The following TRPC6 variants were observed in gnomAD, a reference collection of about 807,000 sequenced individuals.
TRPC6 encodes the protein short transient receptor potential channel 6.
Under a neutral mutation model 90.7 loss-of-function variants are expected in TRPC6, and 55 were observed. The ratio of observed to expected loss-of-function variants is 0.61; its 90% CI spans 0.49 to 0.76. The LOEUF (loss-of-function observed/expected upper bound fraction) is 0.76. Ranked by LOEUF, TRPC6 falls within the 30% of genes least tolerant of loss-of-function variation. TRPC6 has a pLI of 0.00. For missense variants in TRPC6, 989 were observed against 1,122.7 expected (o/e 0.88, Z 1.70); for synonymous variants, 393 against 393.0 (o/e 1.00, Z 0.00).
chr11:101,548,827 G>GA (rs1240519174), intron 1 of TRPC6, among the ~76,000 whole-genome samples: 1 of 151,826 alleles, frequency 6.6e-6, no homozygotes, highest in Admixed American at 6.6e-5. Context: ...ACTATTGAGT[G>GA]AAAAAAATCA....
chr11:101,484,103 A>G (rs1170756216), intron 4 of TRPC6, among the ~76,000 whole-genome samples: 1 of 152,194 alleles, frequency 6.6e-6, no homozygotes, highest in Non-Finnish European at 1.5e-5. Context: ...TTGAAAACTA[A>G]TAAAATACAA....
At chr11:101,548,457 G>GATATATATATAT (rs143790648) in intron 1 of TRPC6, among the ~76,000 whole-genome samples, 5 of 123,474 alleles carry the variant, frequency 4.0e-5, no homozygotes, top group Non-Finnish European at 6.7e-5. Flanking sequence ...TATATATACT[G>GATATATATATAT]ATATATATAT....
intron 1 of TRPC6, among the ~76,000 whole-genome samples, chr11:101,525,539 G>C (rs958780069): frequency 1.3e-5 from 2 of 152,210 alleles, no homozygotes; most frequent in African/African-American, 4.8e-5. Context: ...GGATGAGTAT[G>C]AATTAGCCAG....
intron 1 of TRPC6, among the ~76,000 whole-genome samples, chr11:101,558,228 T>TGTATACGG (rs1861611113): frequency 4.4e-5 from 5 of 113,022 alleles, no homozygotes; most frequent in Admixed American, 1.8e-4. Flanking sequence ...TATGTATACA[T>TGTATACGG]GTATATGGGT....
At chr11:101,459,357 G>A (rs922458827) in intron 10 of TRPC6, among the ~76,000 whole-genome samples, 3 of 152,134 alleles carry the variant, frequency 2.0e-5, no homozygotes, top group Non-Finnish European at 4.4e-5. Flanking sequence ...AACAGGGAAC[G>A]GCACATCTCT....
At chr11:101,473,429 C>A in intron 7 of TRPC6, 80 bp downstream of exon 7, 1 of 1,513,958 alleles carries the variant, frequency 6.6e-7, no homozygotes. Context: ...AACATTATCC[C>A]ATGGACTTAC....
intron 1 of TRPC6, among the ~76,000 whole-genome samples, chr11:101,582,846 C>A (rs1236018824): frequency 1.3e-5 from 2 of 152,124 alleles, no homozygotes; most frequent in Non-Finnish European, 2.9e-5. Context: ...AAACGCTAAG[C>A]CAAGCGTGGA....
chr11:101,471,184 T>C lies in TRPC6; in HGVS notation c.2408A>G (p.Lys803Arg), dbSNP rs750525727. 4.3e-5 allele frequency: 70 copies of C among 1,613,682 alleles called. No individual in the cohort carries two copies. The highest frequency in any genetic ancestry group is 4.0e-4 in the South Asian group (36 of 91,080). ...KGFQEDAEMN[K>R]INEEKKLGIL... ...TGATAACTTATCAAGCTAAGTTACC[T>C]TGTTCATCTCTGCATCTTCCTGGAA... The change falls in exon 9 of 13, where the codon AAG (lysine) becomes AGG (arginine). Residue 803 changes from lysine to arginine, a missense_variant and splice_region_variant. Physicochemically the swap from Lys to Arg is conservative, Grantham distance 26. Around this residue, in one of 4 missense-constraint regions of TRPC6, gnomAD observed 191 missense variants for 196.7 expected, o/e 0.97. Coordinates refer to ENST00000344327, the MANE Select transcript of TRPC6 (RefSeq NM_004621.6).
At chr11:101,473,879 C>T (rs1419940460) in intron 6 of TRPC6, 106 bp from the exon 7 acceptor site, 19 of 1,503,426 alleles carry the variant, frequency 1.3e-5, no homozygotes, top group East Asian at 9.1e-5. Flanking sequence ...ATCCGGTTTT[C>T]GAATGGAAGT....
intron 1 of TRPC6, among the ~76,000 whole-genome samples, chr11:101,531,211 T>C (rs1565231875): frequency 6.6e-6 from 1 of 152,246 alleles, no homozygotes; most frequent in Non-Finnish European, 1.5e-5. Context: ...CTTGAATATA[T>C]ACAATTTTTG....
intron 1 of TRPC6, among the ~76,000 whole-genome samples, chr11:101,513,565 G>A (rs1270292195): frequency 7.2e-6 from 1 of 138,608 alleles, no homozygotes; most frequent in African/African-American, 2.8e-5. Context: ...AGAAATTACT[G>A]ATGAAAACAT....
chr11:101,491,833 A>ATTTTTTTTTTTTTTT lies in TRPC6; in HGVS notation c.946-96_946-95insAAAAAAAAAAAAAAA, dbSNP rs200869151. 688 of 782,182 alleles carry ATTTTTTTTTTTTTTT rather than the reference A, an allele frequency of 8.8e-4. 74 individuals carry two copies. The African/African-American group carries it at 0.018, about 20-fold the overall frequency. 48.5% of individuals were successfully genotyped at this position (782,182 alleles called of 1,614,324 possible). A position where few individuals can be genotyped will look rare whatever the true frequency, so the allele number is the denominator to read the frequency against. On this transcript the variant is annotated intron_variant, in intron 2 of 12. Transcript: ENST00000344327. ...AAGGATTTTATACTTTAAGAGAAAC[A>ATTTTTTTTTTTTTTT]TTCTTTTTTTTTTTTTTTTTTTTTT...
At chr11:101,558,453 G>GCACA (rs1555012732) in intron 1 of TRPC6, among the ~76,000 whole-genome samples, 2 of 24,876 alleles carry the variant, frequency 8.0e-5, no homozygotes, top group African/African-American at 1.4e-4. Flanking sequence ...ATATACACAC[G>GCACA]CACACATACA....
chr11:101,460,401 A>G (rs72984228), intron 10 of TRPC6, among the ~76,000 whole-genome samples: 3,073 of 152,296 alleles, frequency 0.02, 57 homozygotes, highest in Non-Finnish European at 0.032. Flanking sequence ...ATATAATTTT[A>G]TGTAACTGAT....
intron 1 of TRPC6, among the ~76,000 whole-genome samples, chr11:101,577,995 C>T (rs549679989): frequency 3.9e-4 from 51 of 130,324 alleles, no homozygotes; most frequent in Middle Eastern, 7.9e-3. Flanking sequence ...GATCCAGATG[C>T]TATTTCATTA....
chr11:101,470,221 T>G (rs901626452), intron 9 of TRPC6, among the ~76,000 whole-genome samples: 1 of 152,242 alleles, frequency 6.6e-6, no homozygotes, highest in Non-Finnish European at 1.5e-5. Flanking sequence ...GCAGATTTTC[T>G]TATTAAAAGT....
intron 2 of TRPC6, among the ~76,000 whole-genome samples, chr11:101,503,790 G>A (rs1226455082): frequency 2.0e-5 from 3 of 152,078 alleles, no homozygotes; most frequent in Non-Finnish European, 4.4e-5. Flanking sequence ...CAAGGGGAAC[G>A]GATAAAGATT....
Position 101,504,075 on chromosome 11 carries a change from T to C in TRPC6, c.894A>G (p.Leu298=), listed in dbSNP as rs770939794. The change falls in exon 2 of 13, where the codon TTA becomes TTG. Residue 298 remains leucine (L), a synonymous_variant. Transcript: ENST00000344327. ...LSSEDPVMTA[L]ELSNELAVLA... ...GAACTGCCAGTTCATTGCTAAGTTC[T>C]AAAGCCGTCATGACTGGATCTTCAC... The C allele has an allele frequency of 5.0e-6, 8 of 1,613,984 alleles. No individual in the cohort carries two copies.
At chr11:101,477,407 T>C (rs1859441338) in intron 5 of TRPC6, among the ~76,000 whole-genome samples, 2 of 151,904 alleles carry the variant, frequency 1.3e-5, no homozygotes, top group Admixed American at 6.6e-5. Context: ...ACTGGAAAAA[T>C]CTTTATATTG....
Sources: gnomAD v4.1 joint callset for allele counts (sites outside exome capture counted in the v4.1 genomes callset) on GRCh38, gnomAD v4.1.1 for gene constraint, gnomAD v4.1.1 regional missense constraint, MANE v1.5 for transcripts, NCBI Gene and HGNC (gene_info 2026-07-23, HGNC 2026-07-21) for gene names.